Variants in EFHB observed in about 807,000 individuals in gnomAD.
The protein encoded by EFHB is EF-hand domain family member B.
EFHB carries 91 observed loss-of-function variants against 87.2 expected under a neutral mutation model. That is an observed-to-expected ratio of 1.04 (90% CI 0.88 to 1.24). The LOEUF (loss-of-function observed/expected upper bound fraction) is 1.24, where lower values mean the gene tolerates loss of function less well. Among genes scored for constraint, EFHB ranks in the 50% most tolerant of loss-of-function variants. The pLI is 0.00. For synonymous variants in EFHB, 325 were observed against 333.6 expected, an observed-to-expected ratio of 0.97 and a Z score of 0.28; for missense variants, 1,084 against 998.8, an observed-to-expected ratio of 1.09 and a Z score of -1.15.
At chr3:19,907,512 G>C (rs575881103) in intron 5 of EFHB, among the ~76,000 whole-genome samples, 1 of 152,314 alleles carries the variant, frequency 6.6e-6, no homozygotes, top group African/African-American at 2.4e-5. Context: ...ACTATGCTAA[G>C]ATTTGAGAGG....
At chr3:19,914,534 G>A (rs181295527) in intron 5 of EFHB, among the ~76,000 whole-genome samples, 13 of 152,062 alleles carry the variant, frequency 8.5e-5, no homozygotes, top group Admixed American at 2.6e-4. Flanking sequence ...AGACAAGATC[G>A]CTAATAATAA....
upstream of EFHB, chr3:19,934,295 A>C (rs1233946359): frequency 3.0e-6 from 4 of 1,315,236 alleles, no homozygotes; most frequent in South Asian, 2.0e-5. Context: ...CCCATCTCTC[A>C]TTCTTCTCTC....
At chr3:19,885,221 TC>T (rs199942475) in intron 10 of EFHB, among the ~76,000 whole-genome samples, 16,153 of 119,724 alleles carry the variant, frequency 0.13, 960 homozygotes, top group South Asian at 0.24. Flanking sequence ...AGACTTCGTC[TC>T]AAAAAAAAAA....
chr3:19,916,033 G>A (rs1474538583), intron 4 of EFHB, among the ~76,000 whole-genome samples: 2 of 152,098 alleles, frequency 1.3e-5, no homozygotes, highest in Non-Finnish European at 2.9e-5. Context: ...CATACTCCAA[G>A]CACAGTTAAA....
intron 11 of EFHB, among the ~76,000 whole-genome samples, chr3:19,883,270 G>A (rs562331635): frequency 6.6e-6 from 1 of 152,062 alleles, no homozygotes; most frequent in East Asian, 1.9e-4. Flanking sequence ...CAAGATTCTG[G>A]GATTATGGGC....
rs77458763 is a variant in EFHB, at chr3:19,901,575, G to A, written c.1419-2060C>T. 5.1e-4 allele frequency among the ~76,000 whole-genome samples: 77 copies of A among 152,236 alleles called. 3 individuals carry two copies. The highest frequency in any genetic ancestry group is 3.4e-3 in the Middle Eastern group (1 of 294). ...TCATTTCCTTCCCATTTGTTGGCGG[G>A]GGGGAAGAATGTAGGTGGAGTCAGA... On this transcript the variant is annotated intron_variant, in intron 6 of 12. Coordinates refer to ENST00000295824, the MANE Select transcript of EFHB (RefSeq NM_144715.4).
chr3:19,933,415 G>T lies in EFHB; in HGVS notation c.604C>A (p.Pro202Thr), dbSNP rs758924608. The change falls in exon 1 of 13, where the codon CCA becomes ACA. Residue 202 changes from proline to threonine, a missense_variant. Pro to Thr is a conservative substitution (Grantham distance 38, BLOSUM62 -1). Transcript: ENST00000295824. ...GGCTCTGTATTCTTAGTCTCATCTGGCCCCTCGGCTTGGGTTAGTCCAATG... is the reference window on the plus strand; with the variant it reads ...GGCTCTGTATTCTTAGTCTCATCTGTCCCCTCGGCTTGGGTTAGTCCAATG... ...VDIGLTQAEG[P>T]DETKNTEPQM... 1 of 1,613,954 alleles carries T rather than the reference G, an allele frequency of 6.2e-7. No homozygotes were observed. Among genetic ancestry groups the T allele is most frequent in the Non-Finnish European group, 8.5e-7 (1 of 1,179,888 alleles).
intron 6 of EFHB, 88 bp downstream of exon 6, chr3:19,905,532 C>A: frequency 7.2e-7 from 1 of 1,382,380 alleles, no homozygotes; most frequent in South Asian, 1.4e-5. Flanking sequence ...ATTTTATTAC[C>A]TCTTCAAAAA....
chr3:19,909,258 C>T (rs146688634), intron 5 of EFHB, among the ~76,000 whole-genome samples: 29 of 152,176 alleles, frequency 1.9e-4, no homozygotes, highest in Non-Finnish European at 3.5e-4. Context: ...GGCACCAGGG[C>T]AGGGAGAACA....
In EFHB at chr3:19,944,648, G is replaced by A. The variant is rs188655354; in HGVS notation, c.-32+2271C>T. 7.2e-5 allele frequency among the ~76,000 whole-genome samples: 11 copies of A among 152,312 alleles called. No homozygotes were observed. In the South Asian group the frequency reaches 2.1e-3, roughly 29 times the overall value. ...CATTATGACTAAACTGTAAAATATT[G>A]TGAAAAGTATTCATGAAGGAGGTGA... On this transcript the variant is annotated intron_variant, in intron 1 of 14. Transcript: ENST00000344838.
At chr3:19,942,312 T>A (rs2125172527) in intron 1 of EFHB, 1 of 153,476 alleles carries the variant, frequency 6.5e-6, no homozygotes, top group African/African-American at 2.4e-5. Flanking sequence ...AGTTCCAGCA[T>A]CTTTGGTAGC....
chr3:19,939,644 A>T (rs2125171529), intron 1 of EFHB, among the ~76,000 whole-genome samples: 1 of 152,086 alleles, frequency 6.6e-6, no homozygotes, highest in East Asian at 1.9e-4. Flanking sequence ...TCGACCTCCC[A>T]GAGTGCTGGG....
At chr3:19,900,960 TA>T (rs1353051913) in intron 6 of EFHB, among the ~76,000 whole-genome samples, 1 of 151,610 alleles carries the variant, frequency 6.6e-6, no homozygotes, top group Non-Finnish European at 1.5e-5. Context: ...GTTATATGTA[TA>T]AAAAATGTTT....
chr3:19,902,138 A>C (rs1312654277), intron 6 of EFHB, among the ~76,000 whole-genome samples: 2 of 152,178 alleles, frequency 1.3e-5, no homozygotes, highest in South Asian at 2.1e-4. Context: ...ACATCATTAC[A>C]CAACAATCTT....
intron 1 of EFHB, among the ~76,000 whole-genome samples, chr3:19,928,791 A>G (rs1028280328): frequency 2.0e-5 from 3 of 152,124 alleles, no homozygotes; most frequent in Middle Eastern, 6.4e-3. Context: ...ATCATAGCCA[A>G]TGCAGTGAGG....
chr3:19,933,496 ACT>A lies in EFHB; in HGVS notation c.521_522del (p.Glu174ValfsTer13). On this transcript the variant is annotated frameshift_variant, in exon 1 of 13. Coordinates refer to ENST00000295824, the MANE Select transcript of EFHB (RefSeq NM_144715.4). LOFTEE classifies it high-confidence loss of function. ...TTGGGTTTCATTAAAACACAGGTAG[ACT>A]CTTTTTCCATTTCCTGTCTTGGTTC... ...VMEPRQEMEKESTCVLMKPNT... is the reference protein window; with the variant it reads ...VMEPRQEMEKXSTCVLMKPNT... 3 of 1,613,382 alleles carry A rather than the reference ACT, an allele frequency of 1.9e-6. No individual in the cohort carries two copies. Among genetic ancestry groups the A allele is most frequent in the Non-Finnish European group, 1.7e-6 (2 of 1,179,788 alleles).
chr3:19,899,509 T>A lies in EFHB; in HGVS notation c.1425A>T (p.Arg475Ser). 1 of 1,597,468 alleles carries A rather than the reference T, an allele frequency of 6.3e-7. No individual in the cohort carries two copies. The highest frequency in any genetic ancestry group is 8.5e-7 in the Non-Finnish European group (1 of 1,174,078). ...LYWLHELQMK[R>S]GAKFVSKRAD... is the part of the protein sequence containing the mutation. ...CTCTTTTGGATACAAACTTAGCTCC[T>A]CTTTTCCTGCAAAATTAGAACATTA... The change falls in exon 7 of 13, where the codon AGA becomes AGT. Residue 475 changes from arginine to serine, a missense_variant. Physicochemically the swap from Arg to Ser is moderately radical, Grantham distance 110. Transcript: ENST00000295824.
At chr3:19,932,408 A>G (rs992920986) in intron 1 of EFHB, among the ~76,000 whole-genome samples, 2 of 152,182 alleles carry the variant, frequency 1.3e-5, no homozygotes, top group Non-Finnish European at 2.9e-5. Context: ...GATGTCTTCT[A>G]CATATTTCTT....
upstream of EFHB, among the ~76,000 whole-genome samples, chr3:19,935,676 A>C (rs1259170766): frequency 3.9e-5 from 6 of 152,004 alleles, no homozygotes; most frequent in African/African-American, 1.4e-4. Flanking sequence ...GTGCCACGAC[A>C]CTCAAGCCTG....
Sources: allele counts gnomAD v4.1 joint callset (sites outside exome capture counted in the v4.1 genomes callset), GRCh38; gene constraint gnomAD v4.1.1; transcripts MANE v1.5; gene names NCBI Gene and HGNC (gene_info 2026-07-23, HGNC 2026-07-21).